The following CHODL variants were observed in gnomAD, a reference collection of about 807,000 sequenced individuals.
The protein encoded by CHODL is transmembrane protein MT75.
CHODL carries 29 observed loss-of-function variants against 34.5 expected under a neutral mutation model. The observed-to-expected ratio is 0.84, with a 90% CI of 0.63 to 1.15. The LOEUF (loss-of-function observed/expected upper bound fraction) is 1.15. Among genes scored for constraint, CHODL ranks in the 50% most tolerant of loss-of-function variants. The pLI is 0.00. For synonymous variants in CHODL, 125 were observed against 116.1 expected (o/e 1.08, Z -0.49); for missense variants, 332 against 332.5 (o/e 1.00, Z 0.01).
Position 18,028,445 on chromosome 21 carries a change from C to A in CHODL, c.-45+474C>A, listed in dbSNP as rs191933466. ...GGCACGGTGGCTCACGCCTGTAATC[C>A]CAGCACTTTGGGAGGCCAAGGTGGG... On this transcript the variant is annotated intron_variant, in intron 2 of 6. Coordinates refer to the CHODL transcript ENST00000400127. Among the ~76,000 whole-genome samples, 277 of 151,706 alleles carry A rather than the reference C, an allele frequency of 1.8e-3. 1 individual carries two copies. Among genetic ancestry groups the A allele is most frequent in the Admixed American group, 5.8e-3 (88 of 15,204 alleles).
chr21:18,249,937 C>A (rs1276688689), intron 1 of CHODL, among the ~76,000 whole-genome samples: 1 of 152,110 alleles, frequency 6.6e-6, no homozygotes, highest in African/African-American at 2.4e-5. Context: ...GCTCAAGCTA[C>A]CTAGAGGCAA....
intron 2 of CHODL, among the ~76,000 whole-genome samples, chr21:18,094,878 C>T (rs1041044152): frequency 1.3e-5 from 2 of 152,032 alleles, no homozygotes; most frequent in African/African-American, 4.8e-5. Flanking sequence ...AATCCCAGCA[C>T]TTTGAGAGGC....
chr21:18,234,733 A>T (rs2074013637), intron 2 of CHODL, among the ~76,000 whole-genome samples: 1 of 152,102 alleles, frequency 6.6e-6, no homozygotes, highest in African/African-American at 2.4e-5. Flanking sequence ...TCTGCACTGA[A>T]GGCTCTGCGA....
chr21:18,025,489 A>C (rs929660455), intron 1 of CHODL, among the ~76,000 whole-genome samples: 3 of 152,106 alleles, frequency 2.0e-5, no homozygotes, highest in Admixed American at 6.5e-5. Context: ...ATTTTACAAT[A>C]ATTTTCTCAG....
chr21:18,085,155 A>G (rs958851913), intron 2 of CHODL, among the ~76,000 whole-genome samples: 1 of 151,098 alleles, frequency 6.6e-6, no homozygotes. Flanking sequence ...CCACCCCTTT[A>G]CTTTTAGTTT....
At chr21:17,957,181 C>T (rs1473290744) in intron 1 of CHODL, among the ~76,000 whole-genome samples, 1 of 152,116 alleles carries the variant, frequency 6.6e-6, no homozygotes, top group African/African-American at 2.4e-5. Context: ...ATCAACTGTG[C>T]CTCTTAGATA....
intron 2 of CHODL, among the ~76,000 whole-genome samples, chr21:18,100,970 G>T (rs1439367811): frequency 6.6e-6 from 1 of 152,118 alleles, no homozygotes; most frequent in Non-Finnish European, 1.5e-5. Context: ...TATCAGATCA[G>T]AGATGGTTCT....
intron 2 of CHODL, among the ~76,000 whole-genome samples, chr21:18,208,880 G>A (rs1469752024): frequency 7.2e-5 from 6 of 82,808 alleles, no homozygotes; most frequent in African/African-American, 2.6e-4. Flanking sequence ...CCCCACCCCC[G>A]CCCCTCTGTG....
chr21:18,260,029 T>G (rs2074361427), intron 3 of CHODL, among the ~76,000 whole-genome samples, 171 bp from the exon 4 acceptor site: 1 of 152,246 alleles, frequency 6.6e-6, no homozygotes, highest in African/African-American at 2.4e-5. Context: ...GTTGACTTTA[T>G]AGTTAGATAA....
intron 1 of CHODL, among the ~76,000 whole-genome samples, chr21:17,949,530 T>C (rs147046045): frequency 1.3e-5 from 2 of 152,308 alleles, no homozygotes; most frequent in Admixed American, 6.5e-5. Context: ...GAAGTTCCTC[T>C]TCACTTTCAA....
chr21:18,153,120 C>T (rs1280018162), intron 2 of CHODL, among the ~76,000 whole-genome samples: 1 of 152,170 alleles, frequency 6.6e-6, no homozygotes, highest in Middle Eastern at 3.2e-3. Flanking sequence ...AAAAACCCCA[C>T]CTGTTTATTG....
At chr21:18,265,428 A>G (rs1484966701) in intron 5 of CHODL, among the ~76,000 whole-genome samples, 1 of 151,984 alleles carries the variant, frequency 6.6e-6, no homozygotes, top group African/African-American at 2.4e-5. Context: ...AGGAATGAAA[A>G]ACTAAGCATC....
chr21:18,059,189 C>T (rs1195263768), intron 2 of CHODL, among the ~76,000 whole-genome samples: 1 of 152,124 alleles, frequency 6.6e-6, no homozygotes, highest in Non-Finnish European at 1.5e-5. Flanking sequence ...TCTCTCTGTA[C>T]ACACACAGAG....
chr21:18,199,815 T>A (rs2073631905), intron 2 of CHODL, among the ~76,000 whole-genome samples: 1 of 152,198 alleles, frequency 6.6e-6, no homozygotes, highest in African/African-American at 2.4e-5. Flanking sequence ...TAATATTCCA[T>A]CCTATGGATA....
Position 18,251,662 on chromosome 21 carries a change from T to TTTTTATTTTAATATATAAAA in CHODL, c.80-4846_80-4845insTTTATTTTAATATATAAAAT, listed in dbSNP as rs1412875273. 2.0e-4 allele frequency among the ~76,000 whole-genome samples: 24 copies of TTTTTATTTTAATATATAAAA among 117,802 alleles called. 1 individual carries two copies. The highest frequency in any genetic ancestry group is 9.5e-4 in the African/African-American group (23 of 24,292). The allele number at this position is 117,802 out of a possible 152,430, so 77.3% of individuals were successfully genotyped here. ...TATTTTAATATATAAAATATTTATT[T>TTTTTATTTTAATATATAAAA]TATTTATTTATTTTAATATATAAAA... On this transcript the variant is annotated intron_variant, in intron 1 of 5. Coordinates refer to ENST00000299295, the MANE Select transcript of CHODL (RefSeq NM_024944.3).
At chr21:18,017,846 A>G (rs999509903) in intron 1 of CHODL, among the ~76,000 whole-genome samples, 55 of 152,308 alleles carry the variant, frequency 3.6e-4, no homozygotes, top group African/African-American at 1.2e-3. Flanking sequence ...GCACTCAACA[A>G]CCTATGGGAG....
chr21:18,027,303 A>G (rs2064186833), intron 1 of CHODL, among the ~76,000 whole-genome samples: 1 of 152,166 alleles, frequency 6.6e-6, no homozygotes, highest in South Asian at 2.1e-4. Context: ...TAAATAAAAA[A>G]AACTCTCCAG....
At chr21:18,137,661 C>T (rs1187404648) in intron 2 of CHODL, among the ~76,000 whole-genome samples, 3 of 131,284 alleles carry the variant, frequency 2.3e-5, no homozygotes, top group African/African-American at 4.5e-5. Flanking sequence ...TGTCATTTAC[C>T]TCTGAAGCAG....
At chr21:18,063,020 AGCAGAATATGGCTGGTTT>A (rs1440151736) in intron 2 of CHODL, among the ~76,000 whole-genome samples, 12 of 152,332 alleles carry the variant, frequency 7.9e-5, no homozygotes, top group African/African-American at 2.9e-4. Context: ...GTGAGAAAAA[AGCAGAATATGGCTGGTTT>A]GATGAGTGTT....
Sources: gnomAD v4.1 joint callset for allele counts (sites outside exome capture counted in the v4.1 genomes callset) on GRCh38, gnomAD v4.1.1 for gene constraint, MANE v1.5 for transcripts, NCBI Gene and HGNC (gene_info 2026-07-23, HGNC 2026-07-21) for gene names.